The following KCNH7 variants were observed in gnomAD, a reference collection of about 807,000 sequenced individuals.
The protein encoded by KCNH7 is voltage-gated inwardly rectifying potassium channel KCNH7.
In KCNH7, 49 loss-of-function variants were observed where a neutral mutation model predicts 120.8. That is an observed-to-expected ratio of 0.41 (90% CI 0.32 to 0.51). The LOEUF (loss-of-function observed/expected upper bound fraction) is 0.51, where lower values mean the gene tolerates loss of function less well. Ranked by LOEUF, KCNH7 falls within the 20% of genes least tolerant of loss-of-function variation. The pLI is 0.38. For missense variants in KCNH7, 1,097 were observed against 1,446.6 expected (o/e 0.76, Z 3.92); for synonymous variants, 547 against 516.1 (o/e 1.06, Z -0.81).
chr2:162,813,678 T>G (rs1684813647), intron 2 of KCNH7, among the ~76,000 whole-genome samples: 1 of 152,188 alleles, frequency 6.6e-6, no homozygotes, highest in Non-Finnish European at 1.5e-5. Flanking sequence ...CTTTTAATAT[T>G]TGTATTCTCT....
At chr2:162,488,448 G>C (rs1207204115) in intron 6 of KCNH7, among the ~76,000 whole-genome samples, 1 of 152,126 alleles carries the variant, frequency 6.6e-6, no homozygotes, top group African/African-American at 2.4e-5. Flanking sequence ...AATTTAGAAG[G>C]TAGCAAAGAC....
At chr2:162,411,839 C>G (rs1438171157) in intron 9 of KCNH7, among the ~76,000 whole-genome samples, 1 of 151,206 alleles carries the variant, frequency 6.6e-6, no homozygotes, top group Non-Finnish European at 1.5e-5. Flanking sequence ...CAAAAACACC[C>G]CAATAAGTAG....
At position 162,395,524 on chromosome 2, in the gene KCNH7, G is replaced by C. The variant is rs550959146; in HGVS notation, c.2614-1039C>G. Among the ~76,000 whole-genome samples, 3 of 151,676 alleles carry C rather than the reference G, an allele frequency of 2.0e-5. No homozygotes were observed. In the South Asian group the frequency reaches 6.2e-4, roughly 32 times the overall value. ...AAAATGGAAGCTCTTGTTTATTTGA[G>C]TACTGACTAAACTTTTATATAAAGA... On this transcript the variant is annotated intron_variant, in intron 11 of 15. Coordinates refer to ENST00000332142, the MANE Select transcript of KCNH7 (RefSeq NM_033272.4).
At chr2:162,526,889 C>T (rs1691724827) in intron 3 of KCNH7, among the ~76,000 whole-genome samples, 1 of 151,982 alleles carries the variant, frequency 6.6e-6, no homozygotes, top group African/African-American at 2.4e-5. Context: ...TGATAAGTGT[C>T]CATGAAATCT....
intron 2 of KCNH7, among the ~76,000 whole-genome samples, chr2:162,620,052 T>C (rs746088530): frequency 6.6e-6 from 1 of 151,380 alleles, no homozygotes; most frequent in East Asian, 1.9e-4. Context: ...TATATACATA[T>C]ATATGTTTGA....
chr2:162,754,445 A>T (rs1275940076), intron 2 of KCNH7, among the ~76,000 whole-genome samples: 4 of 152,218 alleles, frequency 2.6e-5, no homozygotes, highest in Non-Finnish European at 5.9e-5. Context: ...ATGAGCCAGC[A>T]AAAGATTTGA....
rs909768655 is a variant in KCNH7 at position 162,371,877 on chromosome 2, G to A, written c.3543C>T (p.Ile1181=). The A allele has an allele frequency of 3.1e-6, 5 of 1,613,232 alleles. No homozygotes were observed. Among genetic ancestry groups the A allele is most frequent in the African/African-American group, 1.3e-5 (1 of 74,900 alleles). Residue 1181 remains isoleucine (I), a synonymous_variant, in exon 16 of 16, where the codon ATC becomes ATT. Coordinates refer to ENST00000332142, the MANE Select transcript of KCNH7 (RefSeq NM_033272.4). ...CAGAAACATGCCTATGAAGACCCAC[G>A]ATTCCTACAGTGCTTAGGGATGAAT... ...LPDSSLSTVG[I]VGLHRHVSDP...
chr2:162,602,939 G>C (rs1051928107), intron 2 of KCNH7, among the ~76,000 whole-genome samples: 2 of 150,794 alleles, frequency 1.3e-5, no homozygotes, highest in Non-Finnish European at 3.0e-5. Context: ...AGGAGGTTGA[G>C]CTGGAGGACT....
intron 6 of KCNH7, among the ~76,000 whole-genome samples, chr2:162,460,789 G>T (rs1337266967): frequency 6.6e-6 from 1 of 152,162 alleles, no homozygotes; most frequent in Non-Finnish European, 1.5e-5. Flanking sequence ...AGAAAATAAT[G>T]CAGTGCTATT....
intron 2 of KCNH7, among the ~76,000 whole-genome samples, chr2:162,817,972 ATTTC>A (rs1235511346): frequency 6.6e-6 from 1 of 152,076 alleles, no homozygotes; most frequent in Non-Finnish European, 1.5e-5. Context: ...GTAGAAAACA[ATTTC>A]TTTGTCAAAT....
chr2:162,798,635 G>C lies in KCNH7; in HGVS notation c.307+37902C>G, dbSNP rs1472852798. The stretch of plus-strand genomic sequence containing the variant: ...AATATTTATTGAACACCTCATGTTT[G>C]TGTTTGATTCTGTCACCTTCTAAAA... On this transcript the variant is annotated intron_variant, in intron 2 of 15. Coordinates refer to ENST00000332142, the MANE Select transcript of KCNH7 (RefSeq NM_033272.4). Among the ~76,000 whole-genome samples the C allele has an allele frequency of 3.9e-5, 6 of 151,924 alleles. 1 individual carries two copies. The highest frequency in any genetic ancestry group is 1.4e-4 in the African/African-American group (6 of 41,392).
chr2:162,484,311 G>A (rs1215538118), intron 6 of KCNH7, among the ~76,000 whole-genome samples: 8 of 151,896 alleles, frequency 5.3e-5, no homozygotes, highest in East Asian at 1.9e-4. Flanking sequence ...AAAATGAAGC[G>A]AGTTCGTTGA....
At chr2:162,479,317 A>ATT (rs1229979296) in intron 6 of KCNH7, among the ~76,000 whole-genome samples, 2 of 151,878 alleles carry the variant, frequency 1.3e-5, no homozygotes, top group African/African-American at 4.8e-5. Context: ...GAAAGGTTTT[A>ATT]TTTTTGTTAT....
intron 1 of KCNH7, among the ~76,000 whole-genome samples, chr2:162,837,744 T>G (rs924587601): frequency 3.3e-5 from 5 of 152,246 alleles, no homozygotes; most frequent in African/African-American, 1.2e-4. Context: ...ATTAAATTTC[T>G]GTGCATTCAG....
At chr2:162,591,847 G>T (rs898712292) in intron 2 of KCNH7, among the ~76,000 whole-genome samples, 3 of 151,826 alleles carry the variant, frequency 2.0e-5, no homozygotes, top group Admixed American at 1.3e-4. Context: ...TCAATACACC[G>T]GTTCTTCCTG....
At chr2:162,684,781 A>G (rs577358164) in intron 2 of KCNH7, among the ~76,000 whole-genome samples, 1 of 152,246 alleles carries the variant, frequency 6.6e-6, no homozygotes, top group East Asian at 1.9e-4. Context: ...ATTGTGGAAG[A>G]CAGTGGGGTG....
intron 5 of KCNH7, among the ~76,000 whole-genome samples, chr2:162,509,504 C>A (rs909676052): frequency 6.6e-6 from 1 of 151,560 alleles, no homozygotes; most frequent in African/African-American, 2.4e-5. Context: ...GATGCAAATG[C>A]AGTGTTTAAT....
At chr2:162,468,485 A>G (rs1689382018) in intron 6 of KCNH7, among the ~76,000 whole-genome samples, 1 of 126,962 alleles carries the variant, frequency 7.9e-6, no homozygotes, top group Non-Finnish European at 1.7e-5. Flanking sequence ...CTATTTCTAT[A>G]TCTTGGGCAA....
intron 2 of KCNH7, among the ~76,000 whole-genome samples, chr2:162,675,556 T>G (rs2105303853): frequency 6.6e-6 from 1 of 151,680 alleles, no homozygotes; most frequent in East Asian, 1.9e-4. Flanking sequence ...AATACACTAT[T>G]GATACACACA....
Sources: gnomAD v4.1 joint callset for allele counts (sites outside exome capture counted in the v4.1 genomes callset) on GRCh38, gnomAD v4.1.1 for gene constraint, MANE v1.5 for transcripts, NCBI Gene and HGNC (gene_info 2026-07-23, HGNC 2026-07-21) for gene names.